Variants in CPOX observed in about 807,000 individuals in gnomAD.
CPOX encodes the protein oxygen-dependent coproporphyrinogen-III oxidase, mitochondrial.
CPOX carries 24 observed loss-of-function variants against 48.9 expected under a neutral mutation model. The observed-to-expected ratio is 0.49, with a 90% CI of 0.36 to 0.69. The LOEUF is 0.69. CPOX is among the 30% of genes least tolerant of loss of function. CPOX has a pLI of 0.00. For synonymous variants in CPOX, 249 were observed against 234.6 expected (o/e 1.06, Z -0.56); for missense variants, 549 against 597.3 (o/e 0.92, Z 0.84).
chr3:98,586,455 A>G (rs13063161), intron 4 of CPOX, among the ~76,000 whole-genome samples: 62,259 of 151,934 alleles, frequency 0.41, 15,329 homozygotes, highest in South Asian at 0.54. Flanking sequence ...GGTCTCTTTC[A>G]GAAATAAAAT....
Position 98,593,073 on chromosome 3 carries a change from C to A in CPOX, c.432G>T (p.Arg144Ser). The A allele has an allele frequency of 6.2e-7, 1 of 1,613,950 alleles. No homozygotes were observed. Among genetic ancestry groups the A allele is most frequent in the Non-Finnish European group, 8.5e-7 (1 of 1,179,958 alleles). Residue 144 changes from arginine to serine, a missense_variant, in exon 1 of 7, where the codon AGG becomes AGT. Physicochemically the swap from Arg to Ser is moderately radical, Grantham distance 110 (BLOSUM62 -1). Transcript: ENST00000647941. ...PVTDLGELRR[R>S]PGDMKTKMEL... The stretch of plus-strand genomic sequence containing the variant: ...CCATCTTGGTCTTCATGTCGCCCGG[C>A]CTCCTTCGCAGCTCGCCCAGGTCGG...
rs988934012 is a variant in CPOX at position 98,579,554 on chromosome 3, C to A, written c.*1129G>T. On this transcript the variant is annotated 3_prime_UTR_variant, in exon 7 of 7. Transcript: ENST00000647941. ...GCCACACAGAATCACAAACATTCAA[C>A]GTGTTCCACGATAATGATATGTATG... 1.9e-4 allele frequency: 192 copies of A among 985,276 alleles called. 1 individual carries two copies. The highest frequency in any genetic ancestry group is 2.3e-4 in the Non-Finnish European group (189 of 829,916). 61.0% of individuals were successfully genotyped at this position (985,276 alleles called of 1,614,324 possible). A position where few individuals can be genotyped will look rare whatever the true frequency, so the allele number is the denominator to read the frequency against.
intron 6 of CPOX, 32 bp from the exon 7 acceptor site, chr3:98,580,802 T>C (rs1353690989): frequency 1.5e-5 from 24 of 1,610,442 alleles, no homozygotes; most frequent in Non-Finnish European, 2.0e-5. Flanking sequence ...GCAAAAAACG[T>C]CATAAAAAAT....
At chr3:98,575,693 G>C (rs1707151985), downstream of CPOX, among the ~76,000 whole-genome samples, 1 of 151,768 alleles carries the variant, frequency 6.6e-6, no homozygotes, top group African/African-American at 2.4e-5. Context: ...ACTTTGGGAG[G>C]CTGAGGTGGG....
rs1462012338 is a variant in CPOX, at chr3:98,591,044, CTCATT to C, written c.663_667del (p.Met222LysfsTer9). 6.2e-7 allele frequency: 1 copy of C among 1,614,016 alleles called. No homozygotes were observed. Among genetic ancestry groups the C allele is most frequent in the Admixed American group, 1.7e-5 (1 of 60,000 alleles). The stretch of plus-strand genomic sequence containing the variant: ...AGTCTTCAGAACTTTTCCTCTGCTT[CTCATT>C]TGTTTTGCAGCTTCCTCTGAAAGAT... On this transcript the variant is annotated frameshift_variant, in exon 2 of 7. Coordinates refer to ENST00000647941, the MANE Select transcript of CPOX (RefSeq NM_000097.7). LOFTEE classifies it high-confidence loss of function.
downstream of CPOX, among the ~76,000 whole-genome samples, chr3:98,575,270 T>TAA (rs1286490345): frequency 2.6e-5 from 4 of 152,238 alleles, no homozygotes; most frequent in Non-Finnish European, 5.9e-5. Context: ...TTTACTTTCC[T>TAA]AAGTGGCTGT....
intron 4 of CPOX, among the ~76,000 whole-genome samples, chr3:98,587,372 T>C (rs34214978): frequency 0.41 from 62,098 of 151,476 alleles, 15,306 homozygotes; most frequent in South Asian, 0.55. Flanking sequence ...TAGTCAGTGT[T>C]CTGCTGCTTA....
At chr3:98,590,539 A>T in intron 3 of CPOX, 93 bp downstream of exon 3, 1 of 910,362 alleles carries the variant, frequency 1.1e-6, no homozygotes, top group Non-Finnish European at 1.8e-6. Flanking sequence ...AATTAAGACT[A>T]TTCTTTCTCG....
chr3:98,571,190 T>C, the CPOX span, among the ~76,000 whole-genome samples: 1 of 152,198 alleles, frequency 6.6e-6, no homozygotes, highest in Non-Finnish European at 1.5e-5. Context: ...TCTAATTCTT[T>C]CTCTTGTCTA....
chr3:98,577,589 G>C (rs1338804267), downstream of CPOX, among the ~76,000 whole-genome samples: 1 of 152,138 alleles, frequency 6.6e-6, no homozygotes, highest in African/African-American at 2.4e-5. Flanking sequence ...AGATGACTGG[G>C]ATCTAATTCC....
Position 98,592,968 on chromosome 3 carries a change from G to A in CPOX, c.537C>T (p.Asp179=), listed in dbSNP as rs1355113736. Residue 179 remains aspartate, a synonymous_variant, in exon 1 of 7, where the codon GAC becomes GAT. Coordinates refer to ENST00000647941, the MANE Select transcript of CPOX (RefSeq NM_000097.7). ...CCTTACCTTCCTTCCTCTCCCACCG[G>A]TCCACAGAAAAGTTGGCGCCCCCGT... ...QVDGGANFSV[D]RWERKEGGGG... 3.7e-6 allele frequency: 6 copies of A among 1,612,984 alleles called. No homozygotes were observed. Among genetic ancestry groups the A allele is most frequent in the Non-Finnish European group, 5.1e-6 (6 of 1,179,690 alleles).
chr3:98,585,424 G>A lies in CPOX; in HGVS notation c.1172+17C>T, dbSNP rs140055617. ...CCCCCACTTAGCCATGAAAGAATTC[G>A]TTTTCCAGTCACTTACCGTCCTCTT... On this transcript the variant is annotated intron_variant, in intron 5 of 6. Coordinates refer to ENST00000647941, the MANE Select transcript of CPOX (RefSeq NM_000097.7). 1.6e-3 allele frequency: 2,549 copies of A among 1,608,976 alleles called. 29 individuals carry two copies. The African/African-American group carries it at 0.024, about 15-fold the overall frequency.
chr3:98,572,462 T>C, the CPOX span, among the ~76,000 whole-genome samples: 352 of 152,346 alleles, frequency 2.3e-3, 2 homozygotes, highest in African/African-American at 7.7e-3. Flanking sequence ...TGAAATATTT[T>C]AACAGTATGT....
In CPOX at chr3:98,592,982, T is replaced by C. The variant is rs1457340562; in HGVS notation, c.523A>G (p.Asn175Asp). 1.2e-6 allele frequency: 2 copies of C among 1,613,402 alleles called. No individual in the cohort carries two copies. Among genetic ancestry groups the C allele is most frequent in the African/African-American group, 1.3e-5 (1 of 74,774 alleles). ...CTCTCCCACCGGTCCACAGAAAAGT[T>C]GGCGCCCCCGTCTACCTGTGCCAGA... ...QALAQVDGGA[N>D]FSVDRWERKE... Residue 175 changes from asparagine (N) to aspartate (D), a missense_variant, in exon 1 of 7, where the codon AAC becomes GAC. Asn to Asp is a conservative substitution (Grantham distance 23, BLOSUM62 1). Coordinates refer to ENST00000647941, the MANE Select transcript of CPOX (RefSeq NM_000097.7).
rs1480397696 is a variant in CPOX at position 98,593,236 on chromosome 3, G to A, written c.269C>T (p.Thr90Ile). The change falls in exon 1 of 7, where the codon ACC (threonine) becomes ATC (isoleucine). Residue 90 changes from threonine to isoleucine, a missense_variant. Physicochemically the swap from Thr to Ile is moderately conservative, Grantham distance 89. Coordinates refer to ENST00000647941, the MANE Select transcript of CPOX (RefSeq NM_000097.7). ...AALAGLVGLA[T>I]AAFGHVQRAE... Reference sequence around the variant, plus strand: ...CCGCTGCACATGCCCGAAGGCGGCGGTGGCCAGCCCCACCAACCCCGCCAG... The same window carrying A: ...CCGCTGCACATGCCCGAAGGCGGCGATGGCCAGCCCCACCAACCCCGCCAG... The A allele has an allele frequency of 2.6e-6, 4 of 1,547,258 alleles. No homozygotes were observed. Among genetic ancestry groups the A allele is most frequent in the African/African-American group, 2.7e-5 (2 of 73,848 alleles).
intron 5 of CPOX, among the ~76,000 whole-genome samples, chr3:98,582,800 T>C (rs192422652): frequency 6.6e-6 from 1 of 152,304 alleles, no homozygotes; most frequent in East Asian, 1.9e-4. Flanking sequence ...CCACAATACT[T>C]TAATTTTTTA....
chr3:98,573,649 T>A, the CPOX span, among the ~76,000 whole-genome samples: 1 of 152,186 alleles, frequency 6.6e-6, no homozygotes, highest in Non-Finnish European at 1.5e-5. Flanking sequence ...AAGAATTTCA[T>A]ATTCTTGAGA....
chr3:98,577,929 C>T (rs1707185911), downstream of CPOX, among the ~76,000 whole-genome samples: 1 of 152,168 alleles, frequency 6.6e-6, no homozygotes. Context: ...ATCTTGTACT[C>T]CTTAGCGTGC....
At chr3:98,592,874 A>T in intron 1 of CPOX, 75 bp downstream of exon 1, 1 of 1,485,082 alleles carries the variant, frequency 6.7e-7, no homozygotes, top group South Asian at 1.2e-5. Flanking sequence ...GTGAACTATT[A>T]TATTTTCTGT....
Sources: allele counts gnomAD v4.1 joint callset (sites outside exome capture counted in the v4.1 genomes callset), GRCh38; gene constraint gnomAD v4.1.1; transcripts MANE v1.5; gene names NCBI Gene and HGNC (gene_info 2026-07-23, HGNC 2026-07-21).